COBLL1: variants seen among roughly 807,000 people sequenced by gnomAD.
COBLL1 encodes cordon-bleu WH2 repeat protein like 1.
Under a neutral mutation model 94.8 loss-of-function variants are expected in COBLL1, and 50 were observed. That is an observed-to-expected ratio of 0.53 (90% CI 0.42 to 0.67). The LOEUF (loss-of-function observed/expected upper bound fraction) is 0.67, where lower values mean the gene tolerates loss of function less well. Among genes scored for constraint, COBLL1 ranks in the 30% least tolerant of loss-of-function variants. The probability of loss-of-function intolerance (pLI) is 0.00; values close to 1 mark genes in which losing one functional copy is unlikely to be tolerated. For synonymous variants in COBLL1, 448 were observed against 473.8 expected, an observed-to-expected ratio of 0.95 and a Z score of 0.71; for missense variants, 1,362 against 1,348.7, an observed-to-expected ratio of 1.01 and a Z score of -0.15.
chr2:164,756,488 T>TA (rs1162563535), intron 2 of COBLL1, among the ~76,000 whole-genome samples: 3 of 152,148 alleles, frequency 2.0e-5, no homozygotes, highest in African/African-American at 7.2e-5. Context: ...CTAAAATAGT[T>TA]AAAAAATGGC....
intron 2 of COBLL1, among the ~76,000 whole-genome samples, chr2:164,774,486 GA>G (rs1688365888): frequency 6.6e-6 from 1 of 152,120 alleles, no homozygotes; most frequent in Non-Finnish European, 1.5e-5. Flanking sequence ...GATTTTTCCA[GA>G]ATGTTCAAAA....
chr2:164,812,358 T>C (rs1390743900), intron 2 of COBLL1, among the ~76,000 whole-genome samples: 1 of 152,042 alleles, frequency 6.6e-6, no homozygotes, highest in African/African-American at 2.4e-5. Flanking sequence ...GCTAGGTACA[T>C]AGTGAAGTAA....
chr2:164,716,381 A>G (rs898939617), intron 7 of COBLL1, among the ~76,000 whole-genome samples: 1 of 152,182 alleles, frequency 6.6e-6, no homozygotes, highest in African/African-American at 2.4e-5. Context: ...ATCATATTTA[A>G]AAAATGCTCA....
At position 164,681,733 on chromosome 2, in the gene COBLL1, C is replaced by A. The variant is rs73968217; in HGVS notation, c.*4213G>T. ...ACTATACATTTGTTTGCAACTGTAG[C>A]ATTTTTTTTCTTCTCCAAGAAAAGT... On this transcript the variant is annotated 3_prime_UTR_variant, in exon 14 of 14. Coordinates refer to ENST00000652658, the MANE Select transcript of COBLL1 (RefSeq NM_001365672.2). 2.9e-3 allele frequency: 439 copies of A among 152,268 alleles called. 2 individuals are homozygous for A. The highest frequency in any genetic ancestry group is 0.01 in the African/African-American group (418 of 41,578). The allele number at this position is 152,268 out of a possible 1,614,324, so 9.4% of individuals were successfully genotyped here. A position where few individuals can be genotyped will look rare whatever the true frequency, so the allele number is the denominator to read the frequency against.
chr2:164,758,768 A>G (rs1687536945), intron 2 of COBLL1, among the ~76,000 whole-genome samples: 1 of 152,154 alleles, frequency 6.6e-6, no homozygotes, highest in African/African-American at 2.4e-5. Context: ...AGGCCTTATT[A>G]CAAATATATA....
chr2:164,823,950 T>C (rs1400955291), intron 2 of COBLL1, among the ~76,000 whole-genome samples: 2 of 152,160 alleles, frequency 1.3e-5, no homozygotes, highest in African/African-American at 4.8e-5. Context: ...AGAACACACA[T>C]ACACACACGG....
chr2:164,793,437 C>A (rs1428595700), intron 2 of COBLL1, among the ~76,000 whole-genome samples: 6 of 152,036 alleles, frequency 3.9e-5, no homozygotes, highest in Non-Finnish European at 1.5e-5. Flanking sequence ...AACAAAACTT[C>A]ATTTCAGGTA....
chr2:164,658,008 C>G (rs935344979), intron 2 of COBLL1, among the ~76,000 whole-genome samples: 1 of 151,888 alleles, frequency 6.6e-6, no homozygotes, highest in Non-Finnish European at 1.5e-5. Context: ...GGCTTGAATG[C>G]CTGGGTTTAT....
At chr2:164,664,221 A>C (rs959779675) in intron 2 of COBLL1, among the ~76,000 whole-genome samples, 1 of 152,234 alleles carries the variant, frequency 6.6e-6, no homozygotes. Flanking sequence ...GCAGTCACCT[A>C]TGATGGTTAA....
At chr2:164,697,242 G>A (rs1558929747) in intron 11 of COBLL1, 3 of 151,946 alleles carry the variant, frequency 2.0e-5, no homozygotes. Context: ...TTTTAAAATG[G>A]AACTCATTTT....
intron 3 of COBLL1, among the ~76,000 whole-genome samples, chr2:164,736,385 T>C (rs572089267): frequency 1.4e-4 from 21 of 152,282 alleles, no homozygotes; most frequent in Non-Finnish European, 2.6e-4. Flanking sequence ...AGAATGCTTA[T>C]TATGCTATAA....
chr2:164,727,969 C>T lies in COBLL1; in HGVS notation c.661G>A (p.Glu221Lys). 6.3e-7 allele frequency: 1 copy of T among 1,581,054 alleles called. No individual in the cohort carries two copies. The highest frequency in any genetic ancestry group is 8.7e-7 in the Non-Finnish European group (1 of 1,150,582). The change falls in exon 5 of 14, where the codon GAG (glutamate) becomes AAG (lysine). Residue 221 changes from glutamate (E) to lysine (K), a missense_variant and splice_region_variant. Glu to Lys is a moderately conservative substitution (Grantham distance 56). Transcript: ENST00000652658. Reference sequence around the variant, plus strand: ...TAAATAAAATAAAAGTCTTACTTACCTCTGTTGACATCCATCGCATATAAT... The same window carrying T: ...TAAATAAAATAAAAGTCTTACTTACTTCTGTTGACATCCATCGCATATAAT... ...RELYAMDVNR[E>K]SCQISQNLDI... is the part of the protein sequence containing the mutation.
intron 2 of COBLL1, among the ~76,000 whole-genome samples, chr2:164,769,253 G>A (rs533588224): frequency 6.6e-6 from 1 of 152,218 alleles, no homozygotes; most frequent in African/African-American, 2.4e-5. Flanking sequence ...ATTTGACCCT[G>A]ATTCATAGAA....
chr2:164,725,321 G>A (rs573728033), intron 5 of COBLL1, among the ~76,000 whole-genome samples: 58 of 151,908 alleles, frequency 3.8e-4, no homozygotes, highest in African/African-American at 1.3e-3. Context: ...GGAATACACC[G>A]CTTATCGCAT....
chr2:164,805,324 TCTCTCTCTC>T (rs1684052906), intron 2 of COBLL1, among the ~76,000 whole-genome samples: 1 of 57,054 alleles, frequency 1.8e-5, no homozygotes, highest in African/African-American at 6.7e-5. Context: ...TCTCTCTCTC[TCTCTCTCTC>T]TCTCTATATA....
intron 2 of COBLL1, among the ~76,000 whole-genome samples, chr2:164,794,834 C>A (rs948767259): frequency 1.3e-5 from 2 of 152,154 alleles, no homozygotes; most frequent in Non-Finnish European, 2.9e-5. Context: ...TAAGTTAACA[C>A]CATTTACATG....
At chr2:164,778,675 G>A (rs1688590364) in intron 2 of COBLL1, among the ~76,000 whole-genome samples, 1 of 152,178 alleles carries the variant, frequency 6.6e-6, no homozygotes, top group African/African-American at 2.4e-5. Context: ...AAACAGGGCA[G>A]TCATATGATC....
intron 2 of COBLL1, among the ~76,000 whole-genome samples, chr2:164,794,863 T>C (rs757913645): frequency 2.0e-5 from 3 of 152,238 alleles, no homozygotes; most frequent in Non-Finnish European, 4.4e-5. Flanking sequence ...AAAGACATTG[T>C]TGAATTCACA....
intron 2 of COBLL1, among the ~76,000 whole-genome samples, chr2:164,805,914 T>G (rs72882437): frequency 0.015 from 2,342 of 152,326 alleles, 29 homozygotes; most frequent in South Asian, 0.028. Flanking sequence ...CCAAACTGTC[T>G]TCCCAAGTGG....
Sources: allele counts gnomAD v4.1 joint callset (sites outside exome capture counted in the v4.1 genomes callset), GRCh38; gene constraint gnomAD v4.1.1; transcripts MANE v1.5; gene names NCBI Gene and HGNC (gene_info 2026-07-23, HGNC 2026-07-21).